The following OR56A3 variants were observed in gnomAD, a reference collection of about 807,000 sequenced individuals.
OR56A3 encodes the protein olfactory receptor 56A3.
Under a neutral mutation model 17.5 loss-of-function variants are expected in OR56A3, and 23 were observed. That is an observed-to-expected ratio of 1.32 (90% CI 0.95 to 1.87). The LOEUF (loss-of-function observed/expected upper bound fraction) is 1.87. Among genes scored for constraint, OR56A3 ranks in the 40% most tolerant of loss-of-function variants. The pLI, the probability that OR56A3 is intolerant of heterozygous loss-of-function variation, is 0.00. For missense variants in OR56A3, 366 were observed against 380.1 expected, an observed-to-expected ratio of 0.96 and a Z score of 0.31; for synonymous variants, 175 against 150.6, an observed-to-expected ratio of 1.16 and a Z score of -1.19.
chr11:5,947,229 A>G, intron 2 of OR56A3, 82 bp from the exon 3 acceptor site: 2 of 968,468 alleles, frequency 2.1e-6, no homozygotes, highest in South Asian at 1.7e-5. Context: ...GCTAGAAACC[A>G]CAAGTTGTAC....
chr11:6,014,735 T>G, the OR56A3 span, among the ~76,000 whole-genome samples: 1 of 152,092 alleles, frequency 6.6e-6, no homozygotes, highest in Non-Finnish European at 1.5e-5. Context: ...GTTAAATTTT[T>G]GTGAGCAAAA....
the OR56A3 span, among the ~76,000 whole-genome samples, chr11:5,962,760 G>A: frequency 5.3e-5 from 8 of 151,966 alleles, no homozygotes; most frequent in African/African-American, 1.2e-4. Flanking sequence ...GGATGGTCTC[G>A]ATCTCCTGAC....
rs763256058 is a variant in OR56A3, at chr11:5,947,469, G to T, written c.123G>T (p.Leu41Phe). Reference protein sequence around the residue: ...LSLPLSLLFLLAVGANTTLLM... With the variant: ...LSLPLSLLFLFAVGANTTLLM... ...TGCCCCTCAGCCTCCTTTTCCTCTT[G>T]GCCGTAGGGGCCAACACCACCCTCC... Residue 41 changes from leucine to phenylalanine, a missense_variant, in exon 3 of 3, where the codon TTG becomes TTT. Physicochemically the swap from Leu to Phe is conservative, Grantham distance 22. Coordinates refer to ENST00000641160, the MANE Select transcript of OR56A3 (RefSeq NM_001003443.3). 1.4e-5 allele frequency: 22 copies of T among 1,613,824 alleles called. No individual in the cohort carries two copies. The highest frequency in any genetic ancestry group is 1.8e-5 in the Non-Finnish European group (21 of 1,179,900).
chr11:6,017,069 A>T, the OR56A3 span: 2 of 152,008 alleles, frequency 1.3e-5, no homozygotes, highest in East Asian at 3.9e-4. Context: ...AGGCCTGGTT[A>T]GTACTTGGAT....
the OR56A3 span, among the ~76,000 whole-genome samples, chr11:5,972,342 C>T: frequency 2.0e-5 from 3 of 152,078 alleles, no homozygotes; most frequent in Non-Finnish European, 2.9e-5. Flanking sequence ...AGCCCATTGA[C>T]TTTTTCTTCT....
chr11:5,994,005 T>C, the OR56A3 span: 2 of 457,356 alleles, frequency 4.4e-6, no homozygotes, highest in South Asian at 3.2e-5. Context: ...GATTGAAATC[T>C]TTGCTGTCTT....
chr11:5,998,320 C>A, the OR56A3 span, among the ~76,000 whole-genome samples: 1 of 152,168 alleles, frequency 6.6e-6, no homozygotes, highest in Non-Finnish European at 1.5e-5. Context: ...AACCCTACCA[C>A]CTCTTCCTAG....
chr11:6,019,390 C>T, the OR56A3 span: 9 of 152,078 alleles, frequency 5.9e-5, no homozygotes, highest in East Asian at 1.7e-3. Flanking sequence ...AAATGTGATA[C>T]ATCATGTATT....
the OR56A3 span, among the ~76,000 whole-genome samples, chr11:5,974,172 T>C: frequency 2.0e-5 from 3 of 151,582 alleles, no homozygotes; most frequent in African/African-American, 7.3e-5. Context: ...AGTGGCACGA[T>C]CTCGGCTTAT....
the OR56A3 span, among the ~76,000 whole-genome samples, chr11:5,999,083 A>G: frequency 6.6e-6 from 1 of 152,186 alleles, no homozygotes; most frequent in Non-Finnish European, 1.5e-5. Context: ...AAATGGATAT[A>G]AATAGGCTAT....
the OR56A3 span, among the ~76,000 whole-genome samples, chr11:6,013,886 G>A: frequency 1.3e-5 from 2 of 152,114 alleles, no homozygotes; most frequent in East Asian, 1.9e-4. Flanking sequence ...AGCAACCTGT[G>A]CATGCCACCT....
At position 5,947,408 on chromosome 11, in the gene OR56A3, TTG is replaced by T; in HGVS notation, c.64_65del (p.Val22GlnfsTer70). ...GCTTCAGACTTCCTCTTGAATTGTTTTGTCAGATCCCCCAGCTGGCAGCACTG... is the reference window on the plus strand; with the variant it reads ...GCTTCAGACTTCCTCTTGAATTGTTTTCAGATCCCCCAGCTGGCAGCACTG... On this transcript the variant is annotated frameshift_variant, in exon 3 of 3. Transcript: ENST00000641160. LOFTEE classifies it high-confidence loss of function. 6.2e-7 allele frequency: 1 copy of T among 1,614,114 alleles called. No homozygotes were observed. Among genetic ancestry groups the T allele is most frequent in the Non-Finnish European group, 8.5e-7 (1 of 1,179,976 alleles).
At chr11:5,961,766 A>AG in the OR56A3 span, among the ~76,000 whole-genome samples, 1 of 152,040 alleles carries the variant, frequency 6.6e-6, no homozygotes, top group East Asian at 1.9e-4. Flanking sequence ...AAAAAAAAAA[A>AG]AAAAGAAAGC....
chr11:5,994,408 C>T, the OR56A3 span: 6 of 726,056 alleles, frequency 8.3e-6, no homozygotes, highest in Admixed American at 1.0e-4. Flanking sequence ...TCGTATTGTT[C>T]CTGATGTCTG....
chr11:6,002,897 C>A, the OR56A3 span: 1 of 1,613,902 alleles, frequency 6.2e-7, no homozygotes, highest in African/African-American at 1.3e-5. Flanking sequence ...GGCTGAGGGG[C>A]AGAGACAACC....
chr11:6,001,958 T>A, the OR56A3 span: 4 of 1,312,912 alleles, frequency 3.0e-6, no homozygotes, highest in Non-Finnish European at 4.1e-6. Context: ...GGATTTAAAG[T>A]GAAATTTCCT....
chr11:5,972,514 C>A, the OR56A3 span, among the ~76,000 whole-genome samples: 1 of 152,140 alleles, frequency 6.6e-6, no homozygotes, highest in Non-Finnish European at 1.5e-5. Flanking sequence ...CTACTGCCTG[C>A]ATCCAGTAAC....
the OR56A3 span, chr11:5,994,625 C>T: frequency 3.2e-5 from 25 of 782,428 alleles, no homozygotes; most frequent in African/African-American, 3.2e-4. Flanking sequence ...ATGGATTTCG[C>T]TCTTCACAGA....
At chr11:5,967,486 G>A in the OR56A3 span, 5 of 1,126,642 alleles carry the variant, frequency 4.4e-6, no homozygotes, top group East Asian at 1.3e-4. Context: ...AATTTTCTAT[G>A]CATCATAACA....
Sources: allele counts gnomAD v4.1 joint callset (sites outside exome capture counted in the v4.1 genomes callset), GRCh38; gene constraint gnomAD v4.1.1; transcripts MANE v1.5; gene names NCBI Gene and HGNC (gene_info 2026-07-23, HGNC 2026-07-21).